The following ARHGAP10 variants were observed in gnomAD, a reference collection of about 807,000 sequenced individuals.
ARHGAP10 encodes the protein Rho GTPase activating protein 10.
A neutral mutation model predicts 108.6 loss-of-function variants in ARHGAP10; 87 were observed. The ratio of observed to expected loss-of-function variants is 0.80; its 90% CI spans 0.67 to 0.96. The LOEUF is 0.96. Ranked by LOEUF, ARHGAP10 falls within the 40% of genes least tolerant of loss-of-function variation. The pLI is 0.00. For synonymous variants in ARHGAP10, 347 were observed against 341.1 expected, an observed-to-expected ratio of 1.02 and a Z score of -0.19; for missense variants, 939 against 954.5, an observed-to-expected ratio of 0.98 and a Z score of 0.21.
chr4:147,842,421 T>C (rs1733453525), intron 3 of ARHGAP10, among the ~76,000 whole-genome samples: 2 of 152,184 alleles, frequency 1.3e-5, no homozygotes, highest in South Asian at 4.1e-4. Flanking sequence ...GGGGTTCTTA[T>C]TTTAAAATGC....
At chr4:147,948,695 G>C (rs886447085) in intron 15 of ARHGAP10, among the ~76,000 whole-genome samples, 8 of 151,904 alleles carry the variant, frequency 5.3e-5, no homozygotes, top group African/African-American at 7.3e-5. Context: ...GGTGGCTCAC[G>C]CCTGTAATCT....
At chr4:147,759,323 A>G (rs1729502739) in intron 1 of ARHGAP10, among the ~76,000 whole-genome samples, 1 of 152,268 alleles carries the variant, frequency 6.6e-6, no homozygotes, top group South Asian at 2.1e-4. Context: ...GGAAACTGCC[A>G]GAATGAATTT....
At chr4:147,986,358 G>A (rs1307231140) in intron 18 of ARHGAP10, among the ~76,000 whole-genome samples, 1 of 152,220 alleles carries the variant, frequency 6.6e-6, no homozygotes, top group East Asian at 1.9e-4. Flanking sequence ...AGCCCACTCT[G>A]TTTCCAAAGC....
intron 10 of ARHGAP10, among the ~76,000 whole-genome samples, chr4:147,906,251 C>A (rs1243449231): frequency 6.6e-6 from 1 of 152,262 alleles, no homozygotes; most frequent in Middle Eastern, 3.4e-3. Flanking sequence ...CATAGCAGCA[C>A]TGTTCACAAC....
At chr4:147,967,554 C>T (rs923219108) in intron 18 of ARHGAP10, among the ~76,000 whole-genome samples, 1 of 152,172 alleles carries the variant, frequency 6.6e-6, no homozygotes, top group African/African-American at 2.4e-5. Context: ...CTCTTCCCTC[C>T]CACCATACCC....
chr4:148,019,610 C>T (rs1353209634), intron 18 of ARHGAP10, among the ~76,000 whole-genome samples: 2 of 151,880 alleles, frequency 1.3e-5, no homozygotes, highest in Admixed American at 1.3e-4. Flanking sequence ...ATTAACTGGG[C>T]ATGGTGGTGC....
intron 16 of ARHGAP10, among the ~76,000 whole-genome samples, chr4:147,956,013 G>A (rs758479386): frequency 1.4e-4 from 21 of 152,042 alleles, no homozygotes; most frequent in East Asian, 3.9e-4. Flanking sequence ...TCTTTGACAC[G>A]TGTTGTTTAA....
intron 15 of ARHGAP10, among the ~76,000 whole-genome samples, chr4:147,947,775 A>G (rs1738442262): frequency 6.6e-6 from 1 of 152,142 alleles, no homozygotes; most frequent in Admixed American, 6.5e-5. Context: ...CAGTGGATAC[A>G]TTCGAATCAA....
intron 22 of ARHGAP10, among the ~76,000 whole-genome samples, chr4:148,070,710 G>A (rs1000516798): frequency 6.6e-6 from 1 of 152,210 alleles, no homozygotes; most frequent in African/African-American, 2.4e-5. Flanking sequence ...GTGTATGCCT[G>A]TACTTGGTTT....
At chr4:147,999,930 T>G (rs946711980) in intron 18 of ARHGAP10, among the ~76,000 whole-genome samples, 1 of 152,094 alleles carries the variant, frequency 6.6e-6, no homozygotes, top group African/African-American at 2.4e-5. Flanking sequence ...AACAGTGTTT[T>G]TTTTTTTTTT....
At chr4:147,766,799 C>CATATATATATAT (rs57572532) in intron 1 of ARHGAP10, among the ~76,000 whole-genome samples, 3 of 126,448 alleles carry the variant, frequency 2.4e-5, no homozygotes, top group African/African-American at 1.1e-4. Flanking sequence ...CATATATTCA[C>CATATATATATAT]ATATATATAT....
chr4:147,776,509 C>T (rs1019616348), intron 1 of ARHGAP10, among the ~76,000 whole-genome samples: 16 of 152,146 alleles, frequency 1.1e-4, no homozygotes, highest in Admixed American at 2.0e-4. Context: ...CATGAGCTAC[C>T]GTGCCCAGCC....
rs1475619857 is a variant in ARHGAP10 at position 148,023,528 on chromosome 4, A to T, written c.1867+115A>T. ...CTGTGTTTTAATTTCTTCTTCCCTT[A>T]AGATTATAATTTTGAGATTTACAGG... On this transcript the variant is annotated intron_variant, in intron 19 of 22. Coordinates refer to ENST00000336498, the MANE Select transcript of ARHGAP10 (RefSeq NM_024605.4). The T allele has an allele frequency of 2.5e-6, 3 of 1,186,800 alleles. No homozygotes were observed. In the East Asian group the frequency reaches 8.1e-5, roughly 32 times the overall value. 73.5% of individuals were successfully genotyped at this position (1,186,800 alleles called of 1,614,324 possible). A position where few individuals can be genotyped will look rare whatever the true frequency, so the allele number is the denominator to read the frequency against.
At chr4:147,835,127 T>C (rs1733115735) in intron 3 of ARHGAP10, among the ~76,000 whole-genome samples, 1 of 152,186 alleles carries the variant, frequency 6.6e-6, no homozygotes. Flanking sequence ...GAGTGCCTAC[T>C]ATGAGCCACC....
chr4:147,852,663 A>G (rs1427945879), intron 4 of ARHGAP10, among the ~76,000 whole-genome samples: 2 of 151,862 alleles, frequency 1.3e-5, no homozygotes, highest in Non-Finnish European at 2.9e-5. Flanking sequence ...ACGTAAACAA[A>G]AGTTTTTATG....
Position 147,877,735 on chromosome 4 carries a change from A to T in ARHGAP10, c.833-1497A>T, listed in dbSNP as rs572588019. Among the ~76,000 whole-genome samples, 78 of 151,742 alleles carry T rather than the reference A, an allele frequency of 5.1e-4. No homozygotes were observed. The South Asian group carries it at 8.9e-3, about 17-fold the overall frequency. On this transcript the variant is annotated intron_variant, in intron 8 of 22. Coordinates refer to ENST00000336498, the MANE Select transcript of ARHGAP10 (RefSeq NM_024605.4). The stretch of plus-strand genomic sequence containing the variant: ...TGATGGTGGTACTGCTGACTTAGTA[A>T]GAGTGGAAAAGGGGTTCAGAGAGTG...
At chr4:147,997,627 C>T (rs1560866181) in intron 18 of ARHGAP10, among the ~76,000 whole-genome samples, 1 of 152,126 alleles carries the variant, frequency 6.6e-6, no homozygotes, top group African/African-American at 2.4e-5. Context: ...GAACCAGACA[C>T]GTAGAACAGA....
chr4:148,044,464 C>T (rs1728788414), intron 19 of ARHGAP10, among the ~76,000 whole-genome samples: 1 of 152,172 alleles, frequency 6.6e-6, no homozygotes, highest in Admixed American at 6.5e-5. Flanking sequence ...CAGCCTCCTG[C>T]AGCCAGGGAG....
At chr4:147,737,082 T>C (rs189669789) in intron 1 of ARHGAP10, among the ~76,000 whole-genome samples, 7 of 152,296 alleles carry the variant, frequency 4.6e-5, no homozygotes, top group African/African-American at 1.4e-4. Flanking sequence ...TTAAATGACA[T>C]AAGACAGTTT....
Sources: allele counts gnomAD v4.1 joint callset (sites outside exome capture counted in the v4.1 genomes callset), GRCh38; gene constraint gnomAD v4.1.1; transcripts MANE v1.5; gene names NCBI Gene and HGNC (gene_info 2026-07-23, HGNC 2026-07-21).